COL4A4: variants seen among roughly 807,000 people sequenced by gnomAD.
The protein encoded by COL4A4 is collagen alpha-4(IV) chain.
Under a neutral mutation model 192.9 loss-of-function variants are expected in COL4A4, and 105 were observed. The ratio of observed to expected loss-of-function variants is 0.54; its 90% confidence interval spans 0.46 to 0.64. COL4A4 has a LOEUF of 0.64. Among genes scored for constraint, COL4A4 ranks in the 30% least tolerant of loss-of-function variants. COL4A4 has a pLI of 0.00. For missense variants in COL4A4, 1,967 were observed against 2,169.3 expected (o/e 0.91, Z 1.85); for synonymous variants, 762 against 769.9 (o/e 0.99, Z 0.17).
chr2:227,123,798 G>A lies in COL4A4; in HGVS notation c.193-2650C>T, dbSNP rs1320449644. Reference sequence around the variant, plus strand: ...AAAGCACGTGCAAGCTGCCAGCAAAGTCCATCTGTTCAGGCCGACATAGAA... The same window carrying A: ...AAAGCACGTGCAAGCTGCCAGCAAAATCCATCTGTTCAGGCCGACATAGAA... On this transcript the variant is annotated intron_variant, in intron 4 of 47. Coordinates refer to ENST00000396625, the MANE Select transcript of COL4A4 (RefSeq NM_000092.5). The surrounding 1 kb of genome is among the most constrained non-coding windows in gnomAD (Gnocchi z 4.6). Among the ~76,000 whole-genome samples the A allele has an allele frequency of 1.3e-5, 2 of 152,188 alleles. No homozygotes were observed. Among genetic ancestry groups the A allele is most frequent in the Admixed American group, 1.3e-4 (2 of 15,278 alleles).
chr2:227,084,056 C>T (rs2059458983), intron 22 of COL4A4, among the ~76,000 whole-genome samples: 1 of 152,196 alleles, frequency 6.6e-6, no homozygotes, highest in South Asian at 2.1e-4. Context: ...GTAGCAATGT[C>T]TGTGAACCAT....
intron 3 of COL4A4, among the ~76,000 whole-genome samples, chr2:227,141,000 A>C (rs1252958326): frequency 6.6e-6 from 1 of 152,100 alleles, no homozygotes; most frequent in African/African-American, 2.4e-5. Flanking sequence ...TTCCATATAA[A>C]AGCATAGTCC....
chr2:227,154,582 A>C (rs578235839), intron 1 of COL4A4, among the ~76,000 whole-genome samples: 1 of 152,302 alleles, frequency 6.6e-6, no homozygotes, highest in East Asian at 1.9e-4. Flanking sequence ...CTACTAACTC[A>C]CTGACTGCAC....
At chr2:226,988,800 T>C in the COL4A4 span, 1 of 735,286 alleles carries the variant, frequency 1.4e-6, no homozygotes, top group Non-Finnish European at 1.7e-6. Context: ...TTTTAGAAAA[T>C]ACTTGAGAGT....
Position 227,030,479 on chromosome 2 carries a change from C to A in COL4A4, c.3937G>T (p.Gly1313Cys), listed in dbSNP as rs1209789082. 6.2e-7 allele frequency: 1 copy of A among 1,613,976 alleles called. No homozygotes were observed. Among genetic ancestry groups the A allele is most frequent in the East Asian group, 2.2e-5 (1 of 44,876 alleles). ...TCTTTTCCATCACATCCTGGAAAGCCTTTGTATCCTGGAGGGCCTGGTGGG... is the reference window on the plus strand; with the variant it reads ...TCTTTTCCATCACATCCTGGAAAGCATTTGTATCCTGGAGGGCCTGGTGGG... Reference protein sequence around the residue: ...PGPPGPPGYKGFPGCDGKDGQ... With the variant: ...PGPPGPPGYKCFPGCDGKDGQ... Residue 1313 changes from glycine to cysteine, a missense_variant, in exon 41 of 48, where the codon GGC (glycine) becomes TGC (cysteine). Transcript: ENST00000396625.
At chr2:227,133,971 T>A (rs1054409028) in intron 4 of COL4A4, among the ~76,000 whole-genome samples, 1 of 152,068 alleles carries the variant, frequency 6.6e-6, no homozygotes, top group Non-Finnish European at 1.5e-5. Context: ...TAGCTGAAGA[T>A]TCAGGCTTTA....
intron 10 of COL4A4, 135 bp downstream of exon 10, chr2:227,109,089 T>C (rs752543234): frequency 1.1e-6 from 1 of 948,040 alleles, no homozygotes; most frequent in Non-Finnish European, 1.7e-6. Context: ...CTGATAATGG[T>C]GGGTTTTCAC....
At chr2:227,060,470 T>A (rs1337252176) in intron 26 of COL4A4, among the ~76,000 whole-genome samples, 3 of 152,232 alleles carry the variant, frequency 2.0e-5, no homozygotes, top group African/African-American at 7.2e-5. Context: ...GAAGCCATCC[T>A]GTGAAGGATT....
At position 227,057,468 on chromosome 2, in the gene COL4A4, G is replaced by A. The variant is rs199562472; in HGVS notation, c.2516C>T (p.Pro839Leu). Residue 839 changes from proline to leucine, a missense_variant, in exon 29 of 48, where the codon CCG becomes CTG. Physicochemically the swap from Pro to Leu is moderately conservative, Grantham distance 98 (BLOSUM62 -3). Transcript: ENST00000396625. ...ERGAPGIPGQPGLPGYPGSPG... is the reference protein window; with the variant it reads ...ERGAPGIPGQLGLPGYPGSPG... ...GCTACCTGGATACCCAGGGAGTCCC[G>A]GTTGCCCTGGTATCCCTGGAGCACC... The A allele has an allele frequency of 4.0e-5, 65 of 1,610,406 alleles. No individual in the cohort carries two copies. The highest frequency in any genetic ancestry group is 1.6e-4 in the Middle Eastern group (1 of 6,066).
At chr2:227,019,088 G>A (rs1965490359) in intron 44 of COL4A4, among the ~76,000 whole-genome samples, 1 of 152,166 alleles carries the variant, frequency 6.6e-6, no homozygotes, top group African/African-American at 2.4e-5. Flanking sequence ...AGGTGGAGCA[G>A]TGCATTTCAA....
the COL4A4 span, among the ~76,000 whole-genome samples, chr2:226,991,187 A>G: frequency 2.0e-5 from 3 of 152,102 alleles, no homozygotes; most frequent in East Asian, 1.9e-4. Context: ...GTCATTTTAT[A>G]TATCTCTTTT....
chr2:227,030,916 A>AGATGGATGGATG (rs10689496), intron 40 of COL4A4, among the ~76,000 whole-genome samples: 3,165 of 145,870 alleles, frequency 0.022, 44 homozygotes, highest in Non-Finnish European at 0.028. Flanking sequence ...TGCTTTAATA[A>AGATGGATGGATG]GATGGATGGA....
At chr2:227,020,913 C>T (rs1452205452) in intron 44 of COL4A4, among the ~76,000 whole-genome samples, 3 of 119,394 alleles carry the variant, frequency 2.5e-5, no homozygotes, top group African/African-American at 1.1e-4. Flanking sequence ...GAGTTTCGCT[C>T]TTGTTGCCCA....
Position 227,007,523 on chromosome 2 carries a change from A to C in COL4A4, c.4875T>G (p.Asp1625Glu), listed in dbSNP as rs1213850422. Reference protein sequence around the residue: ...ALMSPGSCLEDFRAAPFLECQ... With the variant: ...ALMSPGSCLEEFRAAPFLECQ... ...ATTCAAGGAATGGTGCTGCTCTGAAATCTTCCAGGCAGCTGCCAGGTGACA... is the reference window on the plus strand; with the variant it reads ...ATTCAAGGAATGGTGCTGCTCTGAACTCTTCCAGGCAGCTGCCAGGTGACA... Residue 1625 changes from aspartate to glutamate, a missense_variant, in exon 48 of 48, where the codon GAT becomes GAG. By Grantham distance (45) the Asp-to-Glu change is conservative. Transcript: ENST00000396625. 6.2e-7 allele frequency: 1 copy of C among 1,613,648 alleles called. No individual in the cohort carries two copies. Among genetic ancestry groups the C allele is most frequent in the Non-Finnish European group, 8.5e-7 (1 of 1,180,028 alleles).
At chr2:226,999,385 A>G (rs1440629952), downstream of COL4A4, among the ~76,000 whole-genome samples, 2 of 152,148 alleles carry the variant, frequency 1.3e-5, no homozygotes, top group African/African-American at 4.8e-5. Context: ...GCCTGAAGAC[A>G]TGTCCCACTG....
At chr2:227,159,210 A>G (rs2064606102) in intron 1 of COL4A4, among the ~76,000 whole-genome samples, 1 of 152,244 alleles carries the variant, frequency 6.6e-6, no homozygotes, top group Middle Eastern at 3.2e-3. Flanking sequence ...GCCAGATGTA[A>G]GATAGTATAC....
chr2:227,060,102 A>AAAAAAC, intron 27 of COL4A4, 34 bp downstream of exon 27: 2 of 515,234 alleles, frequency 3.9e-6, no homozygotes. Flanking sequence ...CCCAAAGCAG[A>AAAAAAC]AAAAAAAAAA....
intron 25 of COL4A4, among the ~76,000 whole-genome samples, chr2:227,073,720 A>T (rs1421003856): frequency 6.6e-6 from 1 of 152,288 alleles, no homozygotes; most frequent in South Asian, 2.1e-4. Flanking sequence ...GGAACAGCAC[A>T]GAGAATCCAG....
chr2:227,118,540 C>G lies in COL4A4; in HGVS notation c.489+105G>C. ...GCCACTCCCATTTGTTGACAATGCTCCAGGCACACTTGTATTAACTCTGTT... is the reference window on the plus strand; with the variant it reads ...GCCACTCCCATTTGTTGACAATGCTGCAGGCACACTTGTATTAACTCTGTT... On this transcript the variant is annotated intron_variant, in intron 7 of 47. Coordinates refer to ENST00000396625, the MANE Select transcript of COL4A4 (RefSeq NM_000092.5). 3 of 894,916 alleles carry G rather than the reference C, an allele frequency of 3.4e-6. No individual in the cohort carries two copies. The Admixed American group carries it at 5.2e-5, about 16-fold the overall frequency. The allele number at this position is 894,916 out of a possible 1,614,324, so 55.4% of individuals were successfully genotyped here.
Sources: allele counts gnomAD v4.1 joint callset (sites outside exome capture counted in the v4.1 genomes callset), GRCh38; gene constraint gnomAD v4.1.1; non-coding constraint Gnocchi (gnomAD v3.1); transcripts MANE v1.5; gene names NCBI Gene and HGNC (gene_info 2026-07-23, HGNC 2026-07-21).